The following FRAS1 variants were observed in gnomAD, a reference collection of about 807,000 sequenced individuals.
The protein encoded by FRAS1 is extracellular matrix organizing protein FRAS1.
In FRAS1, 290 loss-of-function variants were observed where a neutral mutation model predicts 435.2. That is an observed-to-expected ratio of 0.67 (90% CI 0.61 to 0.73). FRAS1 has a LOEUF of 0.73. Ranked by LOEUF, FRAS1 falls within the 30% of genes least tolerant of loss-of-function variation. The probability of loss-of-function intolerance (pLI) is 0.00; values close to 1 mark genes in which losing one functional copy is unlikely to be tolerated. For missense variants in FRAS1, 4,860 were observed against 5,001.5 expected (o/e 0.97, Z 0.85); for synonymous variants, 1,800 against 1,851.0 (o/e 0.97, Z 0.71).
Position 78,408,431 on chromosome 4 carries a change from G to C in FRAS1, c.4308+590G>C, listed in dbSNP as rs191984639. Among the ~76,000 whole-genome samples, 14 of 152,232 alleles carry C rather than the reference G, an allele frequency of 9.2e-5. 1 individual carries two copies. Among genetic ancestry groups the C allele is most frequent in the Admixed American group, 5.9e-4 (9 of 15,296 alleles). ...ATCCACAACCAAGATGTTTAGGTTAGATAATGGCCAAAGTGTTCAGAAGAA... is the reference window on the plus strand; with the variant it reads ...ATCCACAACCAAGATGTTTAGGTTACATAATGGCCAAAGTGTTCAGAAGAA... On this transcript the variant is annotated intron_variant, in intron 31 of 73. Coordinates refer to ENST00000512123, the MANE Select transcript of FRAS1 (RefSeq NM_025074.7).
At chr4:78,213,536 A>G (rs1206083657) in intron 2 of FRAS1, among the ~76,000 whole-genome samples, 1 of 152,212 alleles carries the variant, frequency 6.6e-6, no homozygotes, top group Non-Finnish European at 1.5e-5. Context: ...GTCTTTTTTC[A>G]TGTCTTATTT....
At chr4:78,457,963 C>G in intron 47 of FRAS1, among the ~76,000 whole-genome samples, 1 of 152,152 alleles carries the variant, frequency 6.6e-6, no homozygotes, top group African/African-American at 2.4e-5. Flanking sequence ...TCATCTCAAC[C>G]AGATTTCAAA....
intron 2 of FRAS1, among the ~76,000 whole-genome samples, chr4:78,101,716 G>C (rs1742141843): frequency 6.6e-6 from 1 of 152,160 alleles, no homozygotes; most frequent in South Asian, 2.1e-4. Context: ...CTTTTAGCCT[G>C]TAATGTGCTT....
chr4:78,511,590 G>C, intron 64 of FRAS1, 84 bp downstream of exon 64: 1 of 1,005,466 alleles, frequency 9.9e-7, no homozygotes, highest in Non-Finnish European at 1.5e-6. Flanking sequence ...CAATCAATAA[G>C]GGATGCTTCT....
rs1334965241 is a variant in FRAS1, at chr4:78,542,218, G to A, written c.*1094G>A. 1 of 152,234 alleles carries A rather than the reference G, an allele frequency of 6.6e-6. No homozygotes were observed. Among genetic ancestry groups the A allele is most frequent in the Non-Finnish European group, 1.5e-5 (1 of 68,058 alleles). The allele number at this position is 152,234 out of a possible 1,614,324, so 9.4% of individuals were successfully genotyped here. ...ACAGCAGACAGAGGCACTATTCCTGGTGCAGTATTTCAGGGATTTCTCTTT... is the reference window on the plus strand; with the variant it reads ...ACAGCAGACAGAGGCACTATTCCTGATGCAGTATTTCAGGGATTTCTCTTT... On this transcript the variant is annotated 3_prime_UTR_variant, in exon 74 of 74. Coordinates refer to ENST00000512123, the MANE Select transcript of FRAS1 (RefSeq NM_025074.7).
At chr4:78,531,094 A>G (rs1236383442) in intron 70 of FRAS1, among the ~76,000 whole-genome samples, 5 of 152,030 alleles carry the variant, frequency 3.3e-5, no homozygotes, top group Non-Finnish European at 7.4e-5. Flanking sequence ...TTATTCTCTT[A>G]GTAGAAATTG....
At chr4:78,199,487 T>C (rs1423115906) in intron 2 of FRAS1, among the ~76,000 whole-genome samples, 2 of 152,236 alleles carry the variant, frequency 1.3e-5, no homozygotes, top group Non-Finnish European at 2.9e-5. Flanking sequence ...GGGATACTAA[T>C]GTAAGGCATT....
chr4:78,326,799 G>T (rs957277967), intron 18 of FRAS1, among the ~76,000 whole-genome samples: 2 of 152,130 alleles, frequency 1.3e-5, no homozygotes, highest in African/African-American at 4.8e-5. Flanking sequence ...GAGGCTGAAA[G>T]AAATTTTCAA....
At chr4:78,266,439 C>A (rs1726360538) in intron 7 of FRAS1, among the ~76,000 whole-genome samples, 1 of 152,202 alleles carries the variant, frequency 6.6e-6, no homozygotes, top group Non-Finnish European at 1.5e-5. Context: ...AGTGTCCATG[C>A]CCTAGCTGCA....
At chr4:78,119,068 A>G (rs1718858520) in intron 2 of FRAS1, among the ~76,000 whole-genome samples, 1 of 152,202 alleles carries the variant, frequency 6.6e-6, no homozygotes, top group South Asian at 2.1e-4. Context: ...TTCTTTTAAA[A>G]AAATAATTGT....
intron 6 of FRAS1, 176 bp from the exon 7 acceptor site, chr4:78,264,849 T>G (rs1304687972): frequency 2.9e-6 from 2 of 689,430 alleles, no homozygotes; most frequent in Non-Finnish European, 5.3e-6. Flanking sequence ...CACACTGACC[T>G]TGGAATTGTT....
intron 33 of FRAS1, 69 bp from the exon 34 acceptor site, chr4:78,421,794 T>C (rs979030801): frequency 6.4e-7 from 1 of 1,556,224 alleles, no homozygotes; most frequent in Non-Finnish European, 8.8e-7. Flanking sequence ...GAGCAGGCTC[T>C]ATGGCTCTAG....
chr4:78,279,157 G>A (rs924597016), intron 10 of FRAS1, among the ~76,000 whole-genome samples: 8 of 152,298 alleles, frequency 5.3e-5, no homozygotes, highest in African/African-American at 1.7e-4. Flanking sequence ...GGAGGGAGCC[G>A]CATGAATGTC....
intron 2 of FRAS1, among the ~76,000 whole-genome samples, chr4:78,084,224 G>T (rs1219544683): frequency 6.6e-6 from 1 of 151,970 alleles, no homozygotes; most frequent in Admixed American, 6.6e-5. Flanking sequence ...TTTTATTACA[G>T]TATGTTGTTA....
At chr4:78,518,482 G>C (rs957597507) in intron 66 of FRAS1, among the ~76,000 whole-genome samples, 1 of 141,826 alleles carries the variant, frequency 7.1e-6, no homozygotes, top group Non-Finnish European at 1.5e-5. Context: ...GTGGAAAAAA[G>C]TATAAAAATA....
Position 78,267,250 on chromosome 4 carries a change from A to G in FRAS1, c.799A>G (p.Arg267Gly), listed in dbSNP as rs888310603. 3.1e-6 allele frequency: 5 copies of G among 1,613,444 alleles called. No individual in the cohort carries two copies. Among genetic ancestry groups the G allele is most frequent in the Non-Finnish European group, 4.2e-6 (5 of 1,179,734 alleles). ...LPLRCGKGQS[R>G]ARRHGQCCEE... ...CCTCTCTGTGTCCTAGGGTCAGAGC[A>G]GGGCTCGGCGTCATGGGCAATGCTG... Residue 267 changes from arginine (R) to glycine (G), a missense_variant, in exon 9 of 74, where the codon AGG becomes GGG. Transcript: ENST00000512123.
intron 2 of FRAS1, among the ~76,000 whole-genome samples, chr4:78,114,104 G>C (rs1452672637): frequency 6.6e-6 from 1 of 152,122 alleles, no homozygotes; most frequent in African/African-American, 2.4e-5. Context: ...CCCATTGCTT[G>C]TTTTTCTCAG....
chr4:78,507,642 C>T (rs28739412), intron 62 of FRAS1, 34 bp downstream of exon 62: 448,682 of 1,551,924 alleles, frequency 0.29, 70,398 homozygotes, highest in South Asian at 0.51. Flanking sequence ...TGCTGTTTTA[C>T]GTCTCAGTGA....
intron 35 of FRAS1, among the ~76,000 whole-genome samples, chr4:78,428,447 T>C (rs758601959): frequency 6.6e-6 from 1 of 152,140 alleles, no homozygotes; most frequent in Non-Finnish European, 1.5e-5. Flanking sequence ...CTCAGCCTCC[T>C]GAGTAGCTGG....
Sources: allele counts gnomAD v4.1 joint callset (sites outside exome capture counted in the v4.1 genomes callset), GRCh38; gene constraint gnomAD v4.1.1; transcripts MANE v1.5; gene names NCBI Gene and HGNC (gene_info 2026-07-23, HGNC 2026-07-21).